The following RASGRP3 variants were observed in gnomAD, a reference collection of about 807,000 sequenced individuals.
RASGRP3 encodes ras guanyl-releasing protein 3.
RASGRP3 carries 54 observed loss-of-function variants against 82.7 expected under a neutral mutation model. The observed-to-expected ratio is 0.65, with a 90% CI of 0.52 to 0.82. The LOEUF (loss-of-function observed/expected upper bound fraction) is 0.82, where lower values mean the gene tolerates loss of function less well. Ranked by LOEUF, RASGRP3 falls within the 40% of genes least tolerant of loss-of-function variation. The pLI, the probability that RASGRP3 is intolerant of heterozygous loss-of-function variation, is 0.00. For synonymous variants in RASGRP3, 309 were observed against 300.5 expected, an observed-to-expected ratio of 1.03 and a Z score of -0.29; for missense variants, 861 against 828.9, an observed-to-expected ratio of 1.04 and a Z score of -0.48.
At chr2:33,449,073 G>C (rs1306520249) in intron 2 of RASGRP3, among the ~76,000 whole-genome samples, 2 of 152,152 alleles carry the variant, frequency 1.3e-5, no homozygotes, top group African/African-American at 4.8e-5. Context: ...GGTATAACAT[G>C]ATTACTCTCT....
chr2:33,462,411 G>C (rs191602931), intron 2 of RASGRP3, among the ~76,000 whole-genome samples: 1 of 146,010 alleles, frequency 6.8e-6, no homozygotes, highest in Non-Finnish European at 1.5e-5. Context: ...ACAGAGTCTC[G>C]CTCTGTTGGC....
chr2:33,519,771 A>G (rs1671838373), intron 4 of RASGRP3, among the ~76,000 whole-genome samples, 181 bp from the exon 5 acceptor site: 2 of 152,186 alleles, frequency 1.3e-5, no homozygotes, highest in African/African-American at 2.4e-5. Context: ...CCAGAGCTAT[A>G]ATAAATCAAG....
intron 1 of RASGRP3, among the ~76,000 whole-genome samples, chr2:33,477,861 G>C (rs1225984365): frequency 3.3e-5 from 5 of 152,212 alleles, no homozygotes; most frequent in African/African-American, 1.2e-4. Context: ...AGGGTGGGCA[G>C]AGAGGGGCTG....
chr2:33,462,917 A>G (rs1404575994), intron 2 of RASGRP3, among the ~76,000 whole-genome samples: 2 of 152,250 alleles, frequency 1.3e-5, no homozygotes, highest in Admixed American at 6.5e-5. Flanking sequence ...GCACACTAAA[A>G]TGATTCTCAG....
chr2:33,480,016 C>G (rs1018847281), intron 1 of RASGRP3, among the ~76,000 whole-genome samples: 2 of 150,752 alleles, frequency 1.3e-5, no homozygotes, highest in African/African-American at 4.9e-5. Flanking sequence ...TTTTGAAGAT[C>G]AAGCTATTTA....
intron 6 of RASGRP3, among the ~76,000 whole-genome samples, 180 bp downstream of exon 6, chr2:33,520,864 GT>G (rs1391773554): frequency 1.8e-4 from 27 of 152,006 alleles, no homozygotes; most frequent in East Asian, 7.7e-4. Context: ...CCAAGCTTCA[GT>G]TTTTTTTATT....
intron 13 of RASGRP3, among the ~76,000 whole-genome samples, chr2:33,545,335 C>T (rs772614549): frequency 6.6e-6 from 1 of 152,156 alleles, no homozygotes; most frequent in Non-Finnish European, 1.5e-5. Context: ...GTTTTCCAAA[C>T]GATGTTCCAC....
At chr2:33,452,950 T>G (rs1665874547) in intron 2 of RASGRP3, among the ~76,000 whole-genome samples, 1 of 152,132 alleles carries the variant, frequency 6.6e-6, no homozygotes, top group Non-Finnish European at 1.5e-5. Flanking sequence ...GGCACTGGAT[T>G]TCACTGAAGT....
At chr2:33,547,787 C>T (rs1336787050) in intron 13 of RASGRP3, among the ~76,000 whole-genome samples, 1 of 151,952 alleles carries the variant, frequency 6.6e-6, no homozygotes, top group African/African-American at 2.4e-5. Flanking sequence ...TACATGCAGG[C>T]ATTGAAAGGA....
chr2:33,437,500 T>C (rs1224425446), intron 1 of RASGRP3, among the ~76,000 whole-genome samples: 1 of 152,212 alleles, frequency 6.6e-6, no homozygotes, highest in East Asian at 1.9e-4. Context: ...AGGAATACGG[T>C]TCTGGTGGAT....
At chr2:33,507,297 A>G (rs1471329026) in intron 1 of RASGRP3, among the ~76,000 whole-genome samples, 1 of 152,104 alleles carries the variant, frequency 6.6e-6, no homozygotes, top group Non-Finnish European at 1.5e-5. Flanking sequence ...CGGAAGGCTG[A>G]GGTAGGAGAA....
chr2:33,470,793 A>G (rs1667015127), intron 2 of RASGRP3, among the ~76,000 whole-genome samples: 1 of 152,178 alleles, frequency 6.6e-6, no homozygotes, highest in African/African-American at 2.4e-5. Context: ...CTTATTTTGT[A>G]TATTTATTTG....
chr2:33,554,481 C>CT (rs942846990), intron 14 of RASGRP3, among the ~76,000 whole-genome samples: 15 of 151,224 alleles, frequency 9.9e-5, no homozygotes, highest in South Asian at 2.1e-4. Context: ...AGGCCCTCTT[C>CT]TTTTTTTTTG....
At position 33,523,801 on chromosome 2, in the gene RASGRP3, T is replaced by G. The variant is rs1029699618; in HGVS notation, c.517-78T>G. The stretch of plus-strand genomic sequence containing the variant: ...TGTTGTTACGAAACAATATCTCACC[T>G]TTTCTATGCAATATTCTAATTTTTG... On this transcript the variant is annotated intron_variant, in intron 7 of 17. Coordinates refer to ENST00000403687, the MANE Select transcript of RASGRP3 (RefSeq NM_001139488.2). 13 of 1,335,180 alleles carry G rather than the reference T, an allele frequency of 9.7e-6. No individual in the cohort carries two copies. The Admixed American group carries it at 3.0e-4, about 31-fold the overall frequency. The allele number at this position is 1,335,180 out of a possible 1,614,324, so 82.7% of individuals were successfully genotyped here.
rs552371504 is a variant in RASGRP3, at chr2:33,552,183, A to G, written c.1542+2432A>G. Among the ~76,000 whole-genome samples, 97 of 152,270 alleles carry G rather than the reference A, an allele frequency of 6.4e-4. 2 individuals are homozygous for G. The South Asian group carries it at 0.019, about 30-fold the overall frequency. ...TCATTGGAGCAGACCTGCTGGTGCTACATTCTTGATGCAGCTGTGATGAAG... is the reference window on the plus strand; with the variant it reads ...TCATTGGAGCAGACCTGCTGGTGCTGCATTCTTGATGCAGCTGTGATGAAG... On this transcript the variant is annotated intron_variant, in intron 14 of 17. Transcript: ENST00000403687.
rs569238636 is a variant in RASGRP3 at position 33,446,057 on chromosome 2, G to A, written c.-384-1763G>A. Among the ~76,000 whole-genome samples the A allele has an allele frequency of 2.0e-5, 3 of 152,260 alleles. No individual in the cohort carries two copies. The South Asian group carries it at 6.2e-4, about 32-fold the overall frequency. On this transcript the variant is annotated intron_variant, in intron 1 of 18. Transcript: ENST00000402538. ...ATGTCTAATTTTACTGTTAAACTTT[G>A]TGCTTGCCTTTTCCTGAAGGACAAA...
intron 2 of RASGRP3, among the ~76,000 whole-genome samples, chr2:33,514,445 G>A (rs1671231280): frequency 7.9e-6 from 1 of 127,220 alleles, no homozygotes; most frequent in African/African-American, 3.0e-5. Flanking sequence ...GAGGTAGGTA[G>A]ATTGCTTGAA....
At chr2:33,520,113 T>C in intron 5 of RASGRP3, 99 bp downstream of exon 5, 1 of 958,268 alleles carries the variant, frequency 1.0e-6, no homozygotes. Context: ...GACAACAGAC[T>C]CTACTCTGAT....
At chr2:33,502,607 G>T (rs1242084668) in intron 1 of RASGRP3, among the ~76,000 whole-genome samples, 2 of 151,122 alleles carry the variant, frequency 1.3e-5, no homozygotes, top group Non-Finnish European at 2.9e-5. Flanking sequence ...CCGCCTCCCG[G>T]GTTCAAGGGA....
Sources: gnomAD v4.1 joint callset for allele counts (sites outside exome capture counted in the v4.1 genomes callset) on GRCh38, gnomAD v4.1.1 for gene constraint, MANE v1.5 for transcripts, NCBI Gene and HGNC (gene_info 2026-07-23, HGNC 2026-07-21) for gene names.